Variants in PAXBP1 observed in about 807,000 individuals in gnomAD.
The protein encoded by PAXBP1 is PAX3 and PAX7 binding protein 1, also known as PAX3- and PAX7-binding protein 1.
A neutral mutation model predicts 119.9 loss-of-function variants in PAXBP1; 44 were observed. That is an observed-to-expected ratio of 0.37 (90% CI 0.29 to 0.47). The LOEUF (loss-of-function observed/expected upper bound fraction) is 0.47. PAXBP1 is among the 20% of genes least tolerant of loss of function. The pLI, the probability that PAXBP1 is intolerant of heterozygous loss-of-function variation, is 0.99. For missense variants in PAXBP1, 898 were observed against 1,134.1 expected (o/e 0.79, Z 2.99); for synonymous variants, 393 against 406.6 (o/e 0.97, Z 0.40).
intron 7 of PAXBP1, chr21:32,755,615 C>A: frequency 3.6e-6 from 1 of 276,044 alleles, no homozygotes; most frequent in Non-Finnish European, 6.7e-6. Context: ...CTTCAGTATT[C>A]ATAGAACAAG....
intron 2 of PAXBP1, among the ~76,000 whole-genome samples, chr21:32,768,431 G>A (rs1170210471): frequency 6.6e-6 from 1 of 152,160 alleles, no homozygotes; most frequent in Non-Finnish European, 1.5e-5. Flanking sequence ...ATCCAATATG[G>A]CAAAGTGTAT....
At chr21:32,748,844 A>C in intron 10 of PAXBP1, 146 bp from the exon 11 acceptor site, 1 of 668,430 alleles carries the variant, frequency 1.5e-6, no homozygotes, top group Non-Finnish European at 2.4e-6. Context: ...ACAATTTAGA[A>C]GAAAAAAATA....
chr21:32,735,130 G>T, intron 17 of PAXBP1, 63 bp from the exon 18 acceptor site: 1 of 1,116,534 alleles, frequency 9.0e-7, no homozygotes, highest in Non-Finnish European at 1.3e-6. Flanking sequence ...ATTTGCTACT[G>T]ATTTCATGGC....
In PAXBP1 at chr21:32,748,678, C is replaced by T. The variant is rs112853061; in HGVS notation, c.1744G>A (p.Gly582Ser). Residue 582 changes from glycine (G) to serine (S), a missense_variant, in exon 11 of 18, where the codon GGC (glycine) becomes AGC (serine). By Grantham distance (56) the Gly-to-Ser change is moderately conservative. Around this residue, in one of 2 missense-constraint regions of PAXBP1, gnomAD observed 599 missense variants for 852.7 expected, o/e 0.70. Coordinates refer to ENST00000331923, the MANE Select transcript of PAXBP1 (RefSeq NM_016631.4). Reference sequence around the variant, plus strand: ...TCAAGGACATCTTCAAAAACTTTGCCGGATTCTTTTGAAATTCGATCTAAA... The same window carrying T: ...TCAAGGACATCTTCAAAAACTTTGCTGGATTCTTTTGAAATTCGATCTAAA... ...LEKDRISKES[G>S]KVFEDVLESF... 62 of 1,610,420 alleles carry T rather than the reference C, an allele frequency of 3.8e-5. 2 individuals are homozygous for T. In the African/African-American group the frequency reaches 4.3e-4, roughly 11 times the overall value.
intron 8 of PAXBP1, among the ~76,000 whole-genome samples, chr21:32,753,802 A>G (rs2146495792): frequency 6.6e-6 from 1 of 152,294 alleles, no homozygotes; most frequent in Middle Eastern, 3.4e-3. Context: ...CTTCTTTCAA[A>G]TCCCCTCTAA....
intron 3 of PAXBP1, 76 bp from the exon 4 acceptor site, chr21:32,762,393 A>G: frequency 1.3e-6 from 2 of 1,501,826 alleles, no homozygotes; most frequent in Non-Finnish European, 1.8e-6. Context: ...GAAGGGTAAA[A>G]TAATCCAAGA....
chr21:32,768,785 C>T (rs987975969), intron 2 of PAXBP1, among the ~76,000 whole-genome samples: 4 of 152,230 alleles, frequency 2.6e-5, no homozygotes, highest in African/African-American at 7.2e-5. Context: ...AATCTGTCAA[C>T]GTATCTTTCA....
chr21:32,747,374 G>A (rs2146482412), intron 11 of PAXBP1, among the ~76,000 whole-genome samples: 1 of 152,336 alleles, frequency 6.6e-6, no homozygotes, highest in South Asian at 2.1e-4. Context: ...GGAGGAGACA[G>A]AGGGTGGAGC....
rs746779960 is a variant in PAXBP1 at position 32,738,125 on chromosome 21, T to A, written c.2481+48A>T. The A allele has an allele frequency of 4.1e-6, 6 of 1,466,246 alleles. No homozygotes were observed. In the Admixed American group the frequency reaches 1.6e-4, roughly 39 times the overall value. The allele number at this position is 1,466,246 out of a possible 1,614,324, so 90.8% of individuals were successfully genotyped here. ...CTCTTCAAACAAACAAAAACTTAAT[T>A]CATTTTAAATTATATGCTTTAAAAA... On this transcript the variant is annotated intron_variant, in intron 16 of 17. Transcript: ENST00000331923.
chr21:32,756,574 A>G, intron 7 of PAXBP1: 1 of 278,920 alleles, frequency 3.6e-6, no homozygotes, highest in Non-Finnish European at 6.9e-6. Context: ...AGCTGAGTCC[A>G]GAGACTCTAT....
intron 6 of PAXBP1, 103 bp downstream of exon 6, chr21:32,759,674 G>T: frequency 1.0e-6 from 1 of 963,344 alleles, no homozygotes; most frequent in Non-Finnish European, 1.6e-6. Context: ...CTGGGCCAGT[G>T]AATCTTCTTT....
At chr21:32,763,631 C>T (rs2044187931) in intron 3 of PAXBP1, among the ~76,000 whole-genome samples, 1 of 152,130 alleles carries the variant, frequency 6.6e-6, no homozygotes. Flanking sequence ...GCTGATTAGC[C>T]AGTGGATAGA....
At chr21:32,753,669 A>G (rs1288838461) in intron 8 of PAXBP1, among the ~76,000 whole-genome samples, 1 of 152,196 alleles carries the variant, frequency 6.6e-6, no homozygotes, top group Admixed American at 6.5e-5. Context: ...CCAGCATCCC[A>G]TGTCATTTTC....
chr21:32,755,248 C>T lies in PAXBP1; in HGVS notation c.1489G>A (p.Glu497Lys), dbSNP rs1288092958. Reference sequence around the variant, plus strand: ...GACTGACTTGAATGGCTTGAAAACTCCGAAGATTCATCTTTAATATCATCT... The same window carrying T: ...GACTGACTTGAATGGCTTGAAAACTTCGAAGATTCATCTTTAATATCATCT... ...RQDDIKDESS[E>K]FSSHSNKALM... Residue 497 changes from glutamate (E) to lysine (K), a missense_variant, in exon 8 of 18, where the codon GAG becomes AAG. Around this residue, in one of 2 missense-constraint regions of PAXBP1, gnomAD observed 599 missense variants for 852.7 expected, o/e 0.70. Coordinates refer to ENST00000331923, the MANE Select transcript of PAXBP1 (RefSeq NM_016631.4). 2 of 1,612,974 alleles carry T rather than the reference C, an allele frequency of 1.2e-6. No homozygotes were observed.
chr21:32,739,453 C>T (rs1023427577), intron 15 of PAXBP1, among the ~76,000 whole-genome samples: 4 of 152,104 alleles, frequency 2.6e-5, no homozygotes, highest in African/African-American at 9.7e-5. Context: ...GTAAAAGGTG[C>T]GGGACAGTGC....
At chr21:32,755,477 C>T (rs1002222796) in intron 7 of PAXBP1, 124 bp from the exon 8 acceptor site, 3 of 1,264,236 alleles carry the variant, frequency 2.4e-6, no homozygotes, top group Admixed American at 5.3e-5. Flanking sequence ...TCATGAATCC[C>T]CAACAGCACA....
chr21:32,754,806 CACA>C (rs2044017708), intron 8 of PAXBP1, among the ~76,000 whole-genome samples: 1 of 152,128 alleles, frequency 6.6e-6, no homozygotes, highest in Non-Finnish European at 1.5e-5. Context: ...TCCCCCTACC[CACA>C]ACATGTCCCA....
At chr21:32,765,651 C>T (rs1384945333) in intron 2 of PAXBP1, among the ~76,000 whole-genome samples, 1 of 152,160 alleles carries the variant, frequency 6.6e-6, no homozygotes, top group African/African-American at 2.4e-5. Flanking sequence ...AACATCCCTC[C>T]CCTCTTTTTA....
At position 32,769,815 on chromosome 21, in the gene PAXBP1, T is replaced by C; in HGVS notation, c.471A>G (p.Glu157=). 1 of 1,601,516 alleles carries C rather than the reference T, an allele frequency of 6.2e-7. No individual in the cohort carries two copies. Among genetic ancestry groups the C allele is most frequent in the Non-Finnish European group, 8.5e-7 (1 of 1,177,144 alleles). The change falls in exon 2 of 18, where the codon GAA becomes GAG. Residue 157 remains glutamate (E), a splice_region_variant and synonymous_variant. Transcript: ENST00000331923. The stretch of plus-strand genomic sequence containing the variant: ...GAATTCAATTAGTTTGGTACTTACT[T>C]TCAGCTGATGAGTTGAGTTCTGTCT... ...KIKTELNSSA[E]SEQPLDKTGH...
Sources: gnomAD v4.1 joint callset for allele counts (sites outside exome capture counted in the v4.1 genomes callset) on GRCh38, gnomAD v4.1.1 for gene constraint, gnomAD v4.1.1 regional missense constraint, MANE v1.5 for transcripts, NCBI Gene and HGNC (gene_info 2026-07-23, HGNC 2026-07-21) for gene names.